The following ULK1 variants were observed in gnomAD, a reference collection of about 807,000 sequenced individuals.
ULK1 encodes serine/threonine-protein kinase ULK1.
In ULK1, 48 loss-of-function variants were observed where a neutral mutation model predicts 117.5. That is an observed-to-expected ratio of 0.41 (90% CI 0.32 to 0.52). The LOEUF (loss-of-function observed/expected upper bound fraction) is 0.52, where lower values mean the gene tolerates loss of function less well. Among genes scored for constraint, ULK1 ranks in the 20% least tolerant of loss-of-function variants. The pLI is 0.29. For missense variants in ULK1, 1,387 were observed against 1,473.4 expected (o/e 0.94, Z 0.96); for synonymous variants, 790 against 637.8 (o/e 1.24, Z -3.60).
chr12:131,914,953 G>A, intron 16 of ULK1, 130 bp from the exon 17 acceptor site: 2 of 1,341,040 alleles, frequency 1.5e-6, no homozygotes, highest in East Asian at 2.5e-5. Context: ...GTAGCCACTT[G>A]GCGTGGCATG....
At chr12:131,913,092 C>A in intron 13 of ULK1, 106 bp from the exon 14 acceptor site, 1 of 1,115,894 alleles carries the variant, frequency 9.0e-7, no homozygotes, top group Non-Finnish European at 1.2e-6. Context: ...GCTGAGGCCC[C>A]TGCAAGGTGG....
intron 18 of ULK1, 32 bp from the exon 19 acceptor site, chr12:131,915,859 G>C (rs755896362): frequency 1.2e-6 from 2 of 1,604,110 alleles, no homozygotes; most frequent in East Asian, 4.5e-5. Flanking sequence ...CCGCCGGACC[G>C]GAAGGTCGTG....
intron 4 of ULK1, 55 bp downstream of exon 4, chr12:131,906,979 G>A (rs2136388203): frequency 1.9e-6 from 3 of 1,612,326 alleles, no homozygotes; most frequent in Non-Finnish European, 2.5e-6. Context: ...GGCCCTGGGA[G>A]CCCCACAGGG....
intron 16 of ULK1, 85 bp from the exon 17 acceptor site, chr12:131,914,998 C>T (rs556275308): frequency 6.7e-7 from 1 of 1,491,266 alleles, no homozygotes; most frequent in South Asian, 1.4e-5. Context: ...CCTCCTAATA[C>T]CTGCCTTGTC....
chr12:131,915,670 G>A (rs1253460368), intron 18 of ULK1, among the ~76,000 whole-genome samples: 1 of 152,154 alleles, frequency 6.6e-6, no homozygotes, highest in African/African-American at 2.4e-5. Flanking sequence ...TCGGGAGGCT[G>A]AGGCAGGAGA....
At position 131,894,709 on chromosome 12, in the gene ULK1, T is replaced by TGGAGCCGGAGTCGGAGTC. The variant is rs1888785200; in HGVS notation, c.-288_-271dup. 6.6e-6 allele frequency: 1 copy of TGGAGCCGGAGTCGGAGTC among 151,342 alleles called. No individual in the cohort carries two copies. The highest frequency in any genetic ancestry group is 2.4e-5 in the African/African-American group (1 of 41,184). The allele number at this position is 151,342 out of a possible 1,614,324, so 9.4% of individuals were successfully genotyped here. ...GTTGGGGCCGAGCCCGGGCCCTAGT[T>TGGAGCCGGAGTCGGAGTC]GGAGCCGGAGTCGGAGTCGGAGTCG... is the stretch of plus-strand genomic sequence containing the variant. On this transcript the variant is annotated 5_prime_UTR_variant, in exon 1 of 28. Coordinates refer to ENST00000321867, the MANE Select transcript of ULK1 (RefSeq NM_003565.4).
chr12:131,911,879 A>G (rs1179632551), intron 12 of ULK1, 63 bp from the exon 13 acceptor site: 117 of 1,608,740 alleles, frequency 7.3e-5, no homozygotes, highest in South Asian at 1.2e-4. Context: ...AGGAGGGGGA[A>G]TTTGCTCCCC....
chr12:131,907,208 TG>T (rs1889310574), intron 4 of ULK1, among the ~76,000 whole-genome samples: 1 of 152,140 alleles, frequency 6.6e-6, no homozygotes. Flanking sequence ...TTAGTAGAGA[TG>T]GGGTTTCGCC....
chr12:131,897,349 A>AGGGAGTGC (rs1331419189), intron 3 of ULK1: 1 of 152,224 alleles, frequency 6.6e-6, no homozygotes. Flanking sequence ...ACATTACGGG[A>AGGGAGTGC]GGGAGTGCGG....
intron 22 of ULK1, among the ~76,000 whole-genome samples, chr12:131,917,792 G>A (rs879734502): frequency 3.1e-4 from 47 of 152,320 alleles, no homozygotes; most frequent in South Asian, 8.3e-4. Flanking sequence ...AGCGGTAGGC[G>A]CTCGTTCCCA....
intron 5 of ULK1, 60 bp from the exon 6 acceptor site, chr12:131,908,584 G>T: frequency 7.0e-7 from 1 of 1,420,260 alleles, no homozygotes; most frequent in South Asian, 1.5e-5. Flanking sequence ...CTGGCTGCGC[G>T]GGACTCACCC....
At chr12:131,915,553 T>C in intron 18 of ULK1, 132 bp downstream of exon 18, 1 of 1,146,722 alleles carries the variant, frequency 8.7e-7, no homozygotes, top group Non-Finnish European at 1.2e-6. Context: ...AGAAGCCAAC[T>C]GCCTCTCCAC....
intron 21 of ULK1, 21 bp downstream of exon 21, chr12:131,917,083 C>T (rs200542274): frequency 0.019 from 25,797 of 1,379,150 alleles, 551 homozygotes; most frequent in East Asian, 0.045. Context: ...GGGTGGGGCT[C>T]GGAGGCTGTG....
chr12:131,921,613 C>A lies in ULK1; in HGVS notation c.*252C>A. The A allele has an allele frequency of 1.6e-6, 1 of 636,348 alleles. No individual in the cohort carries two copies. The highest frequency in any genetic ancestry group is 2.7e-6 in the Non-Finnish European group (1 of 366,916). The allele number at this position is 636,348 out of a possible 1,614,324, so 39.4% of individuals were successfully genotyped here. A position where few individuals can be genotyped will look rare whatever the true frequency, so the allele number is the denominator to read the frequency against. ...GATCACAGAATTTCTGCCCCTCCAG[C>A]TGCCTGGCTCAGCAGGCGTGGGTGC... On this transcript the variant is annotated 3_prime_UTR_variant, in exon 28 of 28. Transcript: ENST00000321867.
Position 131,921,408 on chromosome 12 carries a change from T to G in ULK1, c.*47T>G. 1 of 1,597,894 alleles carries G rather than the reference T, an allele frequency of 6.3e-7. No individual in the cohort carries two copies. Among genetic ancestry groups the G allele is most frequent in the South Asian group, 1.1e-5 (1 of 91,030 alleles). On this transcript the variant is annotated 3_prime_UTR_variant, in exon 28 of 28. Coordinates refer to ENST00000321867, the MANE Select transcript of ULK1 (RefSeq NM_003565.4). ...CCCCGTCCTGCCGAGCCCTGCAGAGTGGGCTCTGTGTGCTGGCTGGACTCC... is the reference window on the plus strand; with the variant it reads ...CCCCGTCCTGCCGAGCCCTGCAGAGGGGGCTCTGTGTGCTGGCTGGACTCC...
rs1890147363 is a variant in ULK1 at position 131,921,424 on chromosome 12, G to C, written c.*63G>C. On this transcript the variant is annotated 3_prime_UTR_variant, in exon 28 of 28. Coordinates refer to ENST00000321867, the MANE Select transcript of ULK1 (RefSeq NM_003565.4). Reference sequence around the variant, plus strand: ...CCTGCAGAGTGGGCTCTGTGTGCTGGCTGGACTCCTCGGGACAAGCCCATG... The same window carrying C: ...CCTGCAGAGTGGGCTCTGTGTGCTGCCTGGACTCCTCGGGACAAGCCCATG... 1 of 1,595,830 alleles carries C rather than the reference G, an allele frequency of 6.3e-7. No homozygotes were observed. Among genetic ancestry groups the C allele is most frequent in the Non-Finnish European group, 8.5e-7 (1 of 1,177,768 alleles).
chr12:131,919,788 A>G, intron 25 of ULK1, 191 bp from the exon 26 acceptor site: 1 of 1,035,782 alleles, frequency 9.7e-7, no homozygotes. Flanking sequence ...TATGCAGAGC[A>G]CAGAGGCCGT....
chr12:131,916,690 C>G (rs1473144425), intron 20 of ULK1, 99 bp downstream of exon 20: 1 of 1,359,786 alleles, frequency 7.4e-7, no homozygotes, highest in African/African-American at 1.5e-5. Flanking sequence ...ACAGGAAAAG[C>G]CCAGCCTTGC....
Position 131,916,604 on chromosome 12 carries a change from G to T in ULK1, c.2072+13G>T, listed in dbSNP as rs568619877. 108 of 1,559,770 alleles carry T rather than the reference G, an allele frequency of 6.9e-5. No individual in the cohort carries two copies. The highest frequency in any genetic ancestry group is 8.3e-5 in the Non-Finnish European group (96 of 1,159,880). ...GCCCCTTTGGCCGGTGAGTTGAGGG[G>T]ACAGGCCTTGGACGGGCTTCTGAGG... On this transcript the variant is annotated intron_variant, in intron 20 of 27. Coordinates refer to ENST00000321867, the MANE Select transcript of ULK1 (RefSeq NM_003565.4).
Sources: gnomAD v4.1 joint callset for allele counts (sites outside exome capture counted in the v4.1 genomes callset) on GRCh38, gnomAD v4.1.1 for gene constraint, MANE v1.5 for transcripts, NCBI Gene and HGNC (gene_info 2026-07-23, HGNC 2026-07-21) for gene names.